The following MCF2L variants were observed in gnomAD, a reference collection of about 807,000 sequenced individuals.
MCF2L encodes MCF.2 cell line derived transforming sequence like.
In MCF2L, 97 loss-of-function variants were observed where a neutral mutation model predicts 153.4. The ratio of observed to expected loss-of-function variants is 0.63; its 90% CI spans 0.54 to 0.75. MCF2L has a LOEUF of 0.75. MCF2L is among the 30% of genes least tolerant of loss of function. MCF2L has a pLI of 0.00. For missense variants in MCF2L, 1,347 were observed against 1,495.2 expected, an observed-to-expected ratio of 0.90 and a Z score of 1.64; for synonymous variants, 659 against 632.2, an observed-to-expected ratio of 1.04 and a Z score of -0.64.
At chr13:113,017,456 C>A (rs144044610) in intron 2 of MCF2L, among the ~76,000 whole-genome samples, 194 of 152,316 alleles carry the variant, frequency 1.3e-3, no homozygotes, top group African/African-American at 4.2e-3. Flanking sequence ...GATTTAGGGC[C>A]CACCGTATAA....
chr13:113,087,488 C>T (rs780357279), intron 22 of MCF2L, 32 bp downstream of exon 22: 5 of 1,537,500 alleles, frequency 3.3e-6, no homozygotes, highest in East Asian at 4.7e-5. Flanking sequence ...GCAGCACGCT[C>T]CTGGCCACAG....
rs570169929 is a variant in MCF2L at position 112,943,453 on chromosome 13, C to T, written c.169+41082C>T. Among the ~76,000 whole-genome samples, 1 of 152,024 alleles carries T rather than the reference C, an allele frequency of 6.6e-6. No homozygotes were observed. Among genetic ancestry groups the T allele is most frequent in the African/African-American group, 2.4e-5 (1 of 41,500 alleles). On this transcript the variant is annotated intron_variant, in intron 2 of 29. Coordinates refer to the MCF2L transcript ENST00000375608. This position sits in a 1 kb window ranked among gnomAD's most constrained non-coding sequence, Gnocchi z 4.2. ...GCGCCGGCGCCCGGGAGAGGCGCCG[C>T]CTTGGTTGCAGGGGCCGGGGCGCGG...
Position 113,066,026 on chromosome 13 carries a change from A to T in MCF2L, c.757-20A>T. On this transcript the variant is annotated intron_variant, in intron 7 of 29. Transcript: ENST00000535094. ...TGTGCCTGGACGGGGCCGGGACATGAGGCTGCATTCTCTCCACAGGAGGAT... is the reference window on the plus strand; with the variant it reads ...TGTGCCTGGACGGGGCCGGGACATGTGGCTGCATTCTCTCCACAGGAGGAT... The T allele has an allele frequency of 6.2e-7, 1 of 1,611,114 alleles. No homozygotes were observed. The highest frequency in any genetic ancestry group is 8.5e-7 in the Non-Finnish European group (1 of 1,179,032).
chr13:113,073,800 A>G (rs2033154016), intron 9 of MCF2L, among the ~76,000 whole-genome samples: 1 of 152,096 alleles, frequency 6.6e-6, no homozygotes, highest in Admixed American at 6.6e-5. Context: ...CTGTAATCCC[A>G]GCTACTTGGG....
intron 2 of MCF2L, among the ~76,000 whole-genome samples, chr13:112,947,714 G>T (rs959336453): frequency 6.6e-6 from 1 of 152,218 alleles, no homozygotes; most frequent in African/African-American, 2.4e-5. Context: ...CCCAGGGGTT[G>T]CTGGGCTCAG....
In MCF2L at chr13:113,024,740, A is replaced by C; in HGVS notation, c.260A>C (p.Tyr87Ser). Reference sequence around the variant, plus strand: ...AAGGAGTTCCAGAATGTCATGACCTACCTCACCAGCATCCCCAGGTACGTG... The same window carrying C: ...AAGGAGTTCCAGAATGTCATGACCTCCCTCACCAGCATCCCCAGGTACGTG... ...PDKEFQNVMT[Y>S]LTSIPSLQDA... Residue 87 changes from tyrosine to serine, a missense_variant, in exon 3 of 30, where the codon TAC becomes TCC. By Grantham distance (144) the Tyr-to-Ser change is moderately radical. This residue lies in a region of MCF2L where 820 missense variants were observed against 921.2 expected (regional missense o/e 0.89). Transcript: ENST00000535094. 2 of 1,613,984 alleles carry C rather than the reference A, an allele frequency of 1.2e-6. No individual in the cohort carries two copies. Among genetic ancestry groups the C allele is most frequent in the Non-Finnish European group, 1.7e-6 (2 of 1,179,840 alleles).
chr13:113,091,689 C>G (rs879716265), intron 26 of MCF2L, among the ~76,000 whole-genome samples: 1 of 151,898 alleles, frequency 6.6e-6, no homozygotes, highest in Non-Finnish European at 1.5e-5. Context: ...CCTCCTTTCC[C>G]GGGCCGACGA....
At chr13:112,940,964 A>G (rs1294049765) in intron 2 of MCF2L, among the ~76,000 whole-genome samples, 1 of 152,156 alleles carries the variant, frequency 6.6e-6, no homozygotes, top group Non-Finnish European at 1.5e-5. Context: ...CTCCTTGTAC[A>G]GTCCTGGAAG....
rs193016380 is a variant in MCF2L, at chr13:112,983,645, C to T, written c.79+14187C>T. 1.7e-4 allele frequency among the ~76,000 whole-genome samples: 26 copies of T among 152,338 alleles called. No individual in the cohort carries two copies. The East Asian group carries it at 4.6e-3, about 27-fold the overall frequency. On this transcript the variant is annotated intron_variant, in intron 1 of 29. Transcript: ENST00000535094. The surrounding 1 kb of genome is among the most constrained non-coding windows in gnomAD (Gnocchi z 4.0). ...TACAGCTCTGTCCCCTGCCTTATCT[C>T]GCTGGCTCTGCCCTTGGTCATCAGG...
intron 15 of MCF2L, among the ~76,000 whole-genome samples, chr13:113,078,985 G>A (rs956010919): frequency 6.6e-6 from 1 of 152,260 alleles, no homozygotes; most frequent in African/African-American, 2.4e-5. Flanking sequence ...AGGGAAGAGA[G>A]GGCGATGGCT....
intron 2 of MCF2L, among the ~76,000 whole-genome samples, chr13:112,942,006 C>A (rs576496485): frequency 6.6e-6 from 1 of 152,186 alleles, no homozygotes; most frequent in Admixed American, 6.5e-5. Flanking sequence ...CATGGTCTAG[C>A]GGTAGCGTCA....
In MCF2L at chr13:112,943,513, G is replaced by C. The variant is rs1246302064; in HGVS notation, c.169+41142G>C. Among the ~76,000 whole-genome samples the C allele has an allele frequency of 6.6e-6, 1 of 152,034 alleles. No individual in the cohort carries two copies. Among genetic ancestry groups the C allele is most frequent in the African/African-American group, 2.4e-5 (1 of 41,422 alleles). On this transcript the variant is annotated intron_variant, in intron 2 of 29. Transcript: ENST00000375608. The surrounding 1 kb of genome is among the most constrained non-coding windows in gnomAD (Gnocchi z 4.2). ...CTTTGAGAGACGGGCCGCTCTTCCC[G>C]GCGCGGTGCCTTCCAGGGAGGCTGC...
chr13:113,046,544 G>A lies in MCF2L; in HGVS notation c.369+1183G>A, dbSNP rs2086826210. 2 of 533,082 alleles carry A rather than the reference G, an allele frequency of 3.8e-6. No individual in the cohort carries two copies. Among genetic ancestry groups the A allele is most frequent in the Non-Finnish European group, 7.7e-6 (2 of 259,898 alleles). The allele number at this position is 533,082 out of a possible 1,614,324, so 33.0% of individuals were successfully genotyped here. A position where few individuals can be genotyped will look rare whatever the true frequency, so the allele number is the denominator to read the frequency against. On this transcript the variant is annotated intron_variant, in intron 4 of 29. Transcript: ENST00000535094. The surrounding 1 kb of genome is among the most constrained non-coding windows in gnomAD (Gnocchi z 4.4). ...GGTGCGCCAAGGTTTGAGGTATACT[G>A]AAAAAAGTCATTCCTTTCCCCGCAC...
At chr13:113,012,568 T>C (rs2084223178) in intron 1 of MCF2L, among the ~76,000 whole-genome samples, 1 of 112,110 alleles carries the variant, frequency 8.9e-6, no homozygotes, top group Non-Finnish European at 1.9e-5. Context: ...GGACAGGTGG[T>C]GTGGACGGTG....
At chr13:112,958,139 A>C (rs1421597143) in intron 2 of MCF2L, 2 of 152,190 alleles carry the variant, frequency 1.3e-5, no homozygotes, top group Admixed American at 1.3e-4. Context: ...ACAAATAAAG[A>C]CTTTCAGCTC....
In MCF2L at chr13:113,027,234, G is replaced by A. The variant is rs372976869; in HGVS notation, c.278+2476G>A. Reference sequence around the variant, plus strand: ...CTGGTAACTGAGAGCTCAGCCCGTCGGCCTGACCTGGAAAGCAGCACATTG... The same window carrying A: ...CTGGTAACTGAGAGCTCAGCCCGTCAGCCTGACCTGGAAAGCAGCACATTG... On this transcript the variant is annotated intron_variant, in intron 3 of 29. Coordinates refer to ENST00000535094, the MANE Select transcript of MCF2L (RefSeq NM_001112732.3). The surrounding 1 kb of genome is among the most constrained non-coding windows in gnomAD (Gnocchi z 4.8). 8.7e-4 allele frequency among the ~76,000 whole-genome samples: 132 copies of A among 152,232 alleles called. 2 individuals carry two copies. The highest frequency in any genetic ancestry group is 8.1e-3 in the Admixed American group (124 of 15,292).
intron 4 of MCF2L, among the ~76,000 whole-genome samples, chr13:113,047,886 A>ACACC (rs56877579): frequency 1.3e-5 from 2 of 149,832 alleles, no homozygotes; most frequent in Non-Finnish European, 3.0e-5. Flanking sequence ...GCCTCCGCTG[A>ACACC]TGCCTCGCTA....
chr13:113,038,862 A>G (rs2086307022), intron 3 of MCF2L, among the ~76,000 whole-genome samples: 1 of 152,070 alleles, frequency 6.6e-6, no homozygotes, highest in African/African-American at 2.4e-5. Flanking sequence ...TTATTGATTT[A>G]TTTATTTATT....
chr13:113,051,388 C>T (rs1351554382), intron 4 of MCF2L, among the ~76,000 whole-genome samples: 6 of 152,150 alleles, frequency 3.9e-5, no homozygotes, highest in African/African-American at 1.4e-4. Flanking sequence ...CAGAATATTG[C>T]AGGGGGAGGC....
Sources: allele counts gnomAD v4.1 joint callset (sites outside exome capture counted in the v4.1 genomes callset), GRCh38; gene constraint gnomAD v4.1.1; regional missense constraint gnomAD v4.1.1; non-coding constraint Gnocchi (gnomAD v3.1); transcripts MANE v1.5; gene names NCBI Gene and HGNC (gene_info 2026-07-23, HGNC 2026-07-21).